ZC3H18: variants seen among roughly 807,000 people sequenced by gnomAD.
ZC3H18 encodes zinc finger CCCH domain-containing protein 18.
In ZC3H18, 8 loss-of-function variants were observed where a neutral mutation model predicts 106.1. The ratio of observed to expected loss-of-function variants is 0.08; its 90% CI spans 0.04 to 0.14. The LOEUF is 0.14. Ranked by LOEUF, ZC3H18 falls within the 10% of genes least tolerant of loss-of-function variation. The pLI is 1.00. For missense variants in ZC3H18, 1,318 were observed against 1,278.4 expected, an observed-to-expected ratio of 1.03 and a Z score of -0.47; for synonymous variants, 635 against 522.1, an observed-to-expected ratio of 1.22 and a Z score of -2.95.
chr16:88,622,470 G>C (rs534586184), intron 9 of ZC3H18, 82 bp downstream of exon 9: 2 of 1,432,434 alleles, frequency 1.4e-6, no homozygotes, highest in Admixed American at 2.3e-5. Flanking sequence ...GGGTCAGGTG[G>C]GGAACACCCC....
chr16:88,588,149 G>A (rs182989747), intron 3 of ZC3H18, among the ~76,000 whole-genome samples: 1 of 152,324 alleles, frequency 6.6e-6, no homozygotes, highest in Admixed American at 6.5e-5. Context: ...AAAGAAATTG[G>A]AATTTAAGCA....
rs563817546 is a variant in ZC3H18, at chr16:88,584,880, A to C, written c.604-1720A>C. ...TGATGCGGGAAAAACCCTTCTCACC[A>C]CCTCATCTCCTACACGCTCACTTCC... On this transcript the variant is annotated intron_variant, in intron 2 of 17. Transcript: ENST00000301011. Among the ~76,000 whole-genome samples, 5 of 152,096 alleles carry C rather than the reference A, an allele frequency of 3.3e-5. No homozygotes were observed. The South Asian group carries it at 1.0e-3, about 32-fold the overall frequency.
At chr16:88,584,128 A>T (rs886709467) in intron 2 of ZC3H18, among the ~76,000 whole-genome samples, 1 of 152,196 alleles carries the variant, frequency 6.6e-6, no homozygotes, top group Admixed American at 6.5e-5. Flanking sequence ...AAGAATAAAA[A>T]TTGGGCACGG....
chr16:88,590,051 A>T (rs1233653329), intron 3 of ZC3H18, among the ~76,000 whole-genome samples: 1 of 152,192 alleles, frequency 6.6e-6, no homozygotes, highest in Admixed American at 6.5e-5. Context: ...GGGAAGCTGA[A>T]TGGGGAGGAT....
At chr16:88,573,099 T>G (rs1388670372) in intron 1 of ZC3H18, among the ~76,000 whole-genome samples, 1 of 152,008 alleles carries the variant, frequency 6.6e-6, no homozygotes, top group African/African-American at 2.4e-5. Context: ...ACATTTAGTT[T>G]TGCATAAAAG....
intron 6 of ZC3H18, among the ~76,000 whole-genome samples, chr16:88,605,646 C>T (rs1904976279): frequency 6.6e-6 from 1 of 152,262 alleles, no homozygotes; most frequent in South Asian, 2.1e-4. Flanking sequence ...ATTGCATAAC[C>T]CTTAGATTAA....
At chr16:88,623,492 C>T (rs1906099856) in intron 10 of ZC3H18, 148 bp downstream of exon 10, 3 of 1,061,474 alleles carry the variant, frequency 2.8e-6, no homozygotes, top group East Asian at 5.2e-5. Flanking sequence ...GGGGTCGTGT[C>T]CTGTGTCCCC....
At chr16:88,615,372 G>A (rs760102910) in intron 8 of ZC3H18, among the ~76,000 whole-genome samples, 2 of 152,184 alleles carry the variant, frequency 1.3e-5, no homozygotes, top group Non-Finnish European at 2.9e-5. Context: ...CCCATCTGGA[G>A]CCCTTGCAGC....
At position 88,630,475 on chromosome 16, in the gene ZC3H18, T is replaced by A. The variant is rs1471351179; in HGVS notation, c.2567-10T>A. The A allele has an allele frequency of 1.2e-6, 2 of 1,611,738 alleles. No individual in the cohort carries two copies. The highest frequency in any genetic ancestry group is 1.7e-6 in the Non-Finnish European group (2 of 1,179,046). ...CAGGAGGGTGGTCTCACTCTGTACCTATCACCCAGGTTCTCGGGACCGGAA... is the reference window on the plus strand; with the variant it reads ...CAGGAGGGTGGTCTCACTCTGTACCAATCACCCAGGTTCTCGGGACCGGAA... On this transcript the variant is annotated splice_polypyrimidine_tract_variant and intron_variant, in intron 16 of 17. Transcript: ENST00000301011.
intron 6 of ZC3H18, among the ~76,000 whole-genome samples, 173 bp downstream of exon 6, chr16:88,600,121 A>T (rs1260787635): frequency 6.6e-6 from 1 of 152,094 alleles, no homozygotes; most frequent in African/African-American, 2.4e-5. Flanking sequence ...AGCTCATCTC[A>T]GTTTTTTGCT....
chr16:88,611,471 C>A lies in ZC3H18; in HGVS notation c.1410C>A (p.Arg470=), dbSNP rs781369563. 5.2e-6 allele frequency: 8 copies of A among 1,549,304 alleles called. No homozygotes were observed. In the African/African-American group the frequency reaches 5.5e-5, roughly 11 times the overall value. ...AGAAGGACCGGCAGCACCGTGACCG[C>A]GACCGGGAGAAGGAGCGGGAGAAGG... ...RDEKDRQHRD[R]DREKEREKEK... is the part of the protein sequence containing the mutation. The change falls in exon 8 of 18, where the codon CGC becomes CGA. Residue 470 remains arginine, a synonymous_variant. Coordinates refer to ENST00000301011, the MANE Select transcript of ZC3H18 (RefSeq NM_144604.4).
chr16:88,614,754 T>C (rs1389045316), intron 8 of ZC3H18, among the ~76,000 whole-genome samples: 4 of 152,252 alleles, frequency 2.6e-5, no homozygotes, highest in African/African-American at 7.2e-5. Context: ...TGTGCCGCCT[T>C]CTTCAGCCTT....
rs761496439 is a variant in ZC3H18 at position 88,577,294 on chromosome 16, G to A, written c.171G>A (p.Gly57=). The part of the protein sequence containing the change: ...DLEDEESAAR[G]PSQEEEDNHS... The stretch of plus-strand genomic sequence containing the variant: ...AGGATGAGGAAAGTGCAGCCAGGGG[G>A]CCGAGCCAGGAGGAGGAAGATAATC... The change falls in exon 2 of 18, where the codon GGG becomes GGA. Residue 57 remains glycine (G), a synonymous_variant. Coordinates refer to ENST00000301011, the MANE Select transcript of ZC3H18 (RefSeq NM_144604.4). 1.2e-6 allele frequency: 2 copies of A among 1,612,754 alleles called. No homozygotes were observed. The highest frequency in any genetic ancestry group is 1.7e-6 in the Non-Finnish European group (2 of 1,179,358).
chr16:88,571,386 A>G (rs564095102), intron 1 of ZC3H18, among the ~76,000 whole-genome samples: 2 of 152,278 alleles, frequency 1.3e-5, no homozygotes, highest in Non-Finnish European at 2.9e-5. Flanking sequence ...GGTGCTCATC[A>G]TGTCTCCTGT....
At chr16:88,591,909 CTT>C (rs1915775667) in intron 3 of ZC3H18, among the ~76,000 whole-genome samples, 2 of 151,300 alleles carry the variant, frequency 1.3e-5, no homozygotes, top group Admixed American at 1.3e-4. Context: ...TGTGTTTCAT[CTT>C]TTGAGGAACC....
At chr16:88,618,620 G>A (rs1905768291) in intron 8 of ZC3H18, among the ~76,000 whole-genome samples, 1 of 152,142 alleles carries the variant, frequency 6.6e-6, no homozygotes, top group East Asian at 1.9e-4. Flanking sequence ...CCAGCCTCGG[G>A]CCCTTGGTTT....
At chr16:88,628,695 G>A (rs1906470902) in intron 15 of ZC3H18, 63 bp from the exon 16 acceptor site, 2 of 1,546,190 alleles carry the variant, frequency 1.3e-6, no homozygotes, top group Admixed American at 1.7e-5. Context: ...ATGTCCTCTG[G>A]GGCGAGGACA....
chr16:88,620,593 A>G (rs78370941), intron 8 of ZC3H18, among the ~76,000 whole-genome samples: 4,681 of 151,590 alleles, frequency 0.031, 184 homozygotes, highest in East Asian at 0.08. Flanking sequence ...AAGAAAAAAA[A>G]AAAAAAAGCC....
intron 12 of ZC3H18, 50 bp downstream of exon 12, chr16:88,624,795 C>T (rs1336075056): frequency 6.4e-7 from 1 of 1,553,764 alleles, no homozygotes. Context: ...TTCTTGGTGC[C>T]ACTGTGATGC....
Sources: gnomAD v4.1 joint callset for allele counts (sites outside exome capture counted in the v4.1 genomes callset) on GRCh38, gnomAD v4.1.1 for gene constraint, MANE v1.5 for transcripts, NCBI Gene and HGNC (gene_info 2026-07-23, HGNC 2026-07-21) for gene names.